Variants in SLC39A8 observed in about 807,000 individuals in gnomAD.
SLC39A8 encodes the protein solute carrier family 39 member 8.
SLC39A8 carries 15 observed loss-of-function variants against 40.4 expected under a neutral mutation model. The ratio of observed to expected loss-of-function variants is 0.37; its 90% CI spans 0.25 to 0.57. SLC39A8 has a LOEUF of 0.57. Among genes scored for constraint, SLC39A8 ranks in the 20% least tolerant of loss-of-function variants. SLC39A8 has a pLI of 0.75. For missense variants in SLC39A8, 472 were observed against 558.8 expected, an observed-to-expected ratio of 0.84 and a Z score of 1.57; for synonymous variants, 223 against 221.6, an observed-to-expected ratio of 1.01 and a Z score of -0.06.
intron 8 of SLC39A8, among the ~76,000 whole-genome samples, chr4:102,263,426 G>T (rs1731954515): frequency 6.6e-6 from 1 of 152,118 alleles, no homozygotes; most frequent in Non-Finnish European, 1.5e-5. Flanking sequence ...TATCTAAAAA[G>T]GCAATGTATA....
intron 2 of SLC39A8, among the ~76,000 whole-genome samples, chr4:102,342,835 A>G (rs1736002311): frequency 6.6e-6 from 1 of 152,146 alleles, no homozygotes; most frequent in Admixed American, 6.5e-5. Flanking sequence ...TTTAAAATTC[A>G]TCAACACCTC....
At chr4:102,318,934 T>A (rs1734775249) in intron 2 of SLC39A8, among the ~76,000 whole-genome samples, 1 of 152,200 alleles carries the variant, frequency 6.6e-6, no homozygotes, top group African/African-American at 2.4e-5. Flanking sequence ...GTTTCAGATG[T>A]CCTCGTGTTC....
chr4:102,318,810 T>C (rs191018651), intron 2 of SLC39A8, among the ~76,000 whole-genome samples: 2 of 152,346 alleles, frequency 1.3e-5, no homozygotes, highest in Admixed American at 6.5e-5. Flanking sequence ...TAAAACTCCA[T>C]GTGCTTTCGC....
Position 102,305,037 on chromosome 4 carries a change from A to C in SLC39A8, c.627T>G (p.Leu209=), listed in dbSNP as rs766856685. 6.2e-7 allele frequency: 1 copy of C among 1,609,584 alleles called. No homozygotes were observed. The highest frequency in any genetic ancestry group is 8.5e-7 in the Non-Finnish European group (1 of 1,177,242). The change falls in exon 5 of 9, where the codon CTT becomes CTG. Residue 209 remains leucine (L), a synonymous_variant. Coordinates refer to ENST00000356736, the MANE Select transcript of SLC39A8 (RefSeq NM_001135146.2). ...AVAVFGGFYL[L]FFFERMLKML... is the part of the protein sequence containing the mutation. ...TCTTTAGCATTCTTTCAAAAAAGAAAAGTAGGTAAAATCCACCAAACACAG... is the reference window on the plus strand; with the variant it reads ...TCTTTAGCATTCTTTCAAAAAAGAACAGTAGGTAAAATCCACCAAACACAG...
chr4:102,279,003 G>A (rs1359651069), intron 6 of SLC39A8, among the ~76,000 whole-genome samples: 2 of 151,964 alleles, frequency 1.3e-5, no homozygotes, highest in Non-Finnish European at 2.9e-5. Context: ...TAGTGGGGTG[G>A]GGGGCAAGGG....
Position 102,278,345 on chromosome 4 carries a change from T to C in SLC39A8, c.841-10266A>G, listed in dbSNP as rs200193665. ...GGGTGAAGAATATGAACAGACACTT[T>C]TCAAAAGAAGACATTTATGTGGCCA... On this transcript the variant is annotated intron_variant, in intron 6 of 8. Coordinates refer to ENST00000356736, the MANE Select transcript of SLC39A8 (RefSeq NM_001135146.2). Among the ~76,000 whole-genome samples, 13 of 152,088 alleles carry C rather than the reference T, an allele frequency of 8.5e-5. No individual in the cohort carries two copies. The South Asian group carries it at 2.1e-3, about 24-fold the overall frequency.
chr4:102,335,243 ATG>A (rs1735617498), intron 2 of SLC39A8, among the ~76,000 whole-genome samples: 1 of 152,212 alleles, frequency 6.6e-6, no homozygotes, highest in Non-Finnish European at 1.5e-5. Flanking sequence ...AAGGGACTGC[ATG>A]TTTTATAGAA....
At chr4:102,268,921 A>G (rs185299880) in intron 6 of SLC39A8, among the ~76,000 whole-genome samples, 1 of 152,370 alleles carries the variant, frequency 6.6e-6, no homozygotes, top group African/African-American at 2.4e-5. Flanking sequence ...AGAAAAAGAT[A>G]AAATGCAAAT....
At chr4:102,328,339 GTT>G (rs749480751) in intron 2 of SLC39A8, among the ~76,000 whole-genome samples, 2 of 138,736 alleles carry the variant, frequency 1.4e-5, no homozygotes, top group Non-Finnish European at 1.6e-5. Flanking sequence ...TTATCTCTCT[GTT>G]TTTTTTTTTT....
chr4:102,276,118 C>T (rs911622946), intron 6 of SLC39A8, among the ~76,000 whole-genome samples: 1 of 151,966 alleles, frequency 6.6e-6, no homozygotes, highest in African/African-American at 2.4e-5. Context: ...CAGCTGAAGG[C>T]AAGAAATAAC....
intron 2 of SLC39A8, among the ~76,000 whole-genome samples, chr4:102,318,046 G>A (rs764779268): frequency 3.0e-4 from 45 of 152,080 alleles, no homozygotes; most frequent in Non-Finnish European, 4.1e-4. Context: ...CATGTATACT[G>A]GATCATGATG....
chr4:102,301,449 C>T (rs1361452272), intron 6 of SLC39A8, among the ~76,000 whole-genome samples: 7 of 150,408 alleles, frequency 4.7e-5, no homozygotes, highest in Non-Finnish European at 7.4e-5. Flanking sequence ...CTCACATCAC[C>T]ATGCTTTAGT....
chr4:102,270,138 T>C (rs1425285070), intron 6 of SLC39A8, among the ~76,000 whole-genome samples: 1 of 152,248 alleles, frequency 6.6e-6, no homozygotes, highest in Non-Finnish European at 1.5e-5. Flanking sequence ...ATCTAATTTG[T>C]CTAATTACAT....
At chr4:102,281,481 AAGAGAGACTGCTTTCTGTGGC>A (rs1347106690) in intron 6 of SLC39A8, among the ~76,000 whole-genome samples, 1 of 152,216 alleles carries the variant, frequency 6.6e-6, no homozygotes, top group Non-Finnish European at 1.5e-5. Flanking sequence ...CCTGCAAAAA[AAGAGAGACTGCTTTCTGTGGC>A]AGAGAAGATC....
chr4:102,297,020 G>A (rs1052150839), intron 6 of SLC39A8, among the ~76,000 whole-genome samples: 1 of 152,042 alleles, frequency 6.6e-6, no homozygotes, highest in Non-Finnish European at 1.5e-5. Context: ...CATTGCTTGA[G>A]CCCAGGTGTC....
chr4:102,317,781 A>T (rs1734726532), intron 2 of SLC39A8, among the ~76,000 whole-genome samples: 1 of 152,176 alleles, frequency 6.6e-6, no homozygotes, highest in Non-Finnish European at 1.5e-5. Context: ...AAACGGGAAG[A>T]TGCCTATAGA....
chr4:102,341,016 G>T (rs1735919306), intron 2 of SLC39A8, among the ~76,000 whole-genome samples: 1 of 152,206 alleles, frequency 6.6e-6, no homozygotes, highest in Non-Finnish European at 1.5e-5. Context: ...GGAGAGGTAG[G>T]TTGACACAGG....
Position 102,334,146 on chromosome 4 carries a change from G to A in SLC39A8, c.219+10298C>T, listed in dbSNP as rs528909987. Among the ~76,000 whole-genome samples, 31 of 152,218 alleles carry A rather than the reference G, an allele frequency of 2.0e-4. 1 individual carries two copies. The South Asian group carries it at 3.9e-3, about 19-fold the overall frequency. The stretch of plus-strand genomic sequence containing the variant: ...AGGTGAGAAAACAGAACAGGCATTC[G>A]CACCTTTCTATGGTCCAGTTATACA... On this transcript the variant is annotated intron_variant, in intron 2 of 8. Transcript: ENST00000356736.
At chr4:102,334,607 A>T (rs1052063592) in intron 2 of SLC39A8, among the ~76,000 whole-genome samples, 2 of 152,164 alleles carry the variant, frequency 1.3e-5, no homozygotes, top group Non-Finnish European at 2.9e-5. Context: ...CAAATAAATG[A>T]TTGTACAGTT....
Sources: gnomAD v4.1 joint callset for allele counts (sites outside exome capture counted in the v4.1 genomes callset) on GRCh38, gnomAD v4.1.1 for gene constraint, MANE v1.5 for transcripts, NCBI Gene and HGNC (gene_info 2026-07-23, HGNC 2026-07-21) for gene names.